Variants in CRLF2 observed in about 807,000 individuals in gnomAD.
CRLF2 encodes cytokine receptor like factor 2.
A neutral mutation model predicts 38.7 loss-of-function variants in CRLF2; 41 were observed. That is an observed-to-expected ratio of 1.06 (90% CI 0.83 to 1.37). The LOEUF (loss-of-function observed/expected upper bound fraction) is 1.37, where lower values mean the gene tolerates loss of function less well. CRLF2 is among the 40% of genes most tolerant of loss of function. The probability of loss-of-function intolerance (pLI) is 0.00; values close to 1 mark genes in which losing one functional copy is unlikely to be tolerated. For missense variants in CRLF2, 377 were observed against 322.2 expected, an observed-to-expected ratio of 1.17 and a Z score of -1.30; for synonymous variants, 140 against 128.8, an observed-to-expected ratio of 1.09 and a Z score of -0.59.
chrX:1,209,260 C>T (rs1327059269), intron 1 of CRLF2, among the ~76,000 whole-genome samples: 2 of 149,878 alleles, frequency 1.3e-5, no homozygotes, highest in Admixed American at 1.3e-4. Context: ...AGCCACCGCG[C>T]CTGACGTATT....
rs1427958210 is a variant in CRLF2, at chrX:1,191,170, A to G, written c.853-10T>C. On this transcript the variant is annotated splice_polypyrimidine_tract_variant and intron_variant, in intron 7 of 7. Transcript: ENST00000400841. The stretch of plus-strand genomic sequence containing the variant: ...TGTCTGTGATCCACTCCTACCAGGA[A>G]GAACATTCTAGCTCAAACACAGTGG... 2.5e-5 allele frequency: 10 copies of G among 398,590 alleles called. No individual in the cohort carries two copies. The highest frequency in any genetic ancestry group is 4.0e-5 in the Non-Finnish European group (9 of 226,178). 24.7% of individuals were successfully genotyped at this position (398,590 alleles called of 1,614,324 possible). A position where few individuals can be genotyped will look rare whatever the true frequency, so the allele number is the denominator to read the frequency against.
intron 7 of CRLF2, among the ~76,000 whole-genome samples, chrX:1,192,620 TTCTC>T (rs1369717742): frequency 0.051 from 7,647 of 151,362 alleles, 295 homozygotes; most frequent in Middle Eastern, 0.15. Context: ...CTTTCCTTCT[TTCTC>T]TCTCTTTCTT....
At chrX:1,207,722 T>A (rs1374608836) in intron 2 of CRLF2, among the ~76,000 whole-genome samples, 1 of 151,276 alleles carries the variant, frequency 6.6e-6, no homozygotes, top group East Asian at 2.0e-4. Context: ...CAATCTCGGC[T>A]CACCGTGAAC....
In CRLF2 at chrX:1,191,310, T is replaced by TTTCC. The variant is rs1430550459; in HGVS notation, c.853-151_853-150insGGAA. 1.7e-5 allele frequency: 6 copies of TTTCC among 358,580 alleles called. 1 individual carries two copies. Among genetic ancestry groups the TTTCC allele is most frequent in the African/African-American group, 1.3e-4 (5 of 37,358 alleles). 22.2% of individuals were successfully genotyped at this position (358,580 alleles called of 1,614,324 possible). Reference sequence around the variant, plus strand: ...CTTTTCTTTTCTCTTTCTTTCTTTCTTTCTTTCTTTCTTTCTTTCTTTCTT... The same window carrying TTTCC: ...CTTTTCTTTTCTCTTTCTTTCTTTCTTTCCTTCTTTCTTTCTTTCTTTCTTTCTT... On this transcript the variant is annotated intron_variant, in intron 7 of 7. Coordinates refer to ENST00000400841, the MANE Select transcript of CRLF2 (RefSeq NM_022148.4).
At chrX:1,206,005 G>T (rs1257413609) in intron 3 of CRLF2, among the ~76,000 whole-genome samples, 1 of 151,658 alleles carries the variant, frequency 6.6e-6, no homozygotes, top group Non-Finnish European at 1.5e-5. Context: ...GCTTTTCAGT[G>T]GTTACGGTAA....
At chrX:1,205,663 T>C (rs1336769606) in intron 3 of CRLF2, among the ~76,000 whole-genome samples, 1 of 151,238 alleles carries the variant, frequency 6.6e-6, no homozygotes, top group Non-Finnish European at 1.5e-5. Flanking sequence ...CTGAAGGAAG[T>C]AGTGAAAAGG....
At chrX:1,200,371 T>A (rs148213491) in intron 4 of CRLF2, among the ~76,000 whole-genome samples, 1 of 145,732 alleles carries the variant, frequency 6.9e-6, no homozygotes, top group African/African-American at 2.5e-5. Flanking sequence ...TATAAATATG[T>A]GTATATAAGG....
chrX:1,194,903 GC>G (rs2086450894), intron 6 of CRLF2, among the ~76,000 whole-genome samples: 1 of 151,382 alleles, frequency 6.6e-6, no homozygotes, highest in Non-Finnish European at 1.5e-5. Context: ...GTGGTGGCGC[GC>G]ACCTGTAGTC....
intron 5 of CRLF2, among the ~76,000 whole-genome samples, chrX:1,197,657 T>C (rs1401335478): frequency 6.6e-6 from 1 of 151,456 alleles, no homozygotes; most frequent in African/African-American, 2.4e-5. Context: ...CTACTAAAAA[T>C]ACAAACATTA....
chrX:1,195,533 A>G lies in CRLF2; in HGVS notation c.767+1247T>C, dbSNP rs1447958159. Among the ~76,000 whole-genome samples, 11 of 151,530 alleles carry G rather than the reference A, an allele frequency of 7.3e-5. No homozygotes were observed. The East Asian group carries it at 2.1e-3, about 30-fold the overall frequency. On this transcript the variant is annotated intron_variant, in intron 6 of 7. Coordinates refer to ENST00000400841, the MANE Select transcript of CRLF2 (RefSeq NM_022148.4). ...AGCCGTCCTTCCACCTCAGCCTCCCAAATAGCTGGGACTACAAGTGCACGC... is the reference window on the plus strand; with the variant it reads ...AGCCGTCCTTCCACCTCAGCCTCCCGAATAGCTGGGACTACAAGTGCACGC...
rs1341718372 is a variant in CRLF2, at chrX:1,208,909, C to G, written c.80-1G>C. On this transcript the variant is annotated splice_acceptor_variant, in intron 1 of 7. Transcript: ENST00000400841. LOFTEE classifies it high-confidence loss of function. ...ATGATCTGAATCTGTACTCCTTCTG[C>G]TAGACACAGAGAGACGCATGAAGTT... The G allele has an allele frequency of 1.9e-6, 3 of 1,553,726 alleles. No individual in the cohort carries two copies. The highest frequency in any genetic ancestry group is 2.7e-6 in the Non-Finnish European group (3 of 1,125,182).
rs1189544659 is a variant in CRLF2 at position 1,196,632 on chromosome X, T to G, written c.767+148A>C. ...CACCATGCCCAGCCCCTCCGAAATT[T>G]CTTATAATCCACCATCAGAAGAGTG... On this transcript the variant is annotated intron_variant, in intron 6 of 7. Coordinates refer to ENST00000400841, the MANE Select transcript of CRLF2 (RefSeq NM_022148.4). 13 of 1,069,234 alleles carry G rather than the reference T, an allele frequency of 1.2e-5. No individual in the cohort carries two copies. The South Asian group carries it at 2.4e-4, about 20-fold the overall frequency. The allele number at this position is 1,069,234 out of a possible 1,614,324, so 66.2% of individuals were successfully genotyped here.
rs748239231 is a variant in CRLF2 at position 1,202,519 on chromosome X, C to T, written c.366G>A (p.Pro122=). 2.4e-5 allele frequency: 39 copies of T among 1,613,574 alleles called. No homozygotes were observed. The highest frequency in any genetic ancestry group is 2.7e-5 in the African/African-American group (2 of 74,898). Residue 122 remains proline, a synonymous_variant, in exon 4 of 8, where the codon CCG becomes CCA. Coordinates refer to ENST00000400841, the MANE Select transcript of CRLF2 (RefSeq NM_022148.4). ...WMVYYLKPSS[P]KHVRFSWHQD... ...GATGCCACGAAAATCTCACGTGCTT[C>T]GGGGAACTGGGTTTCACTGAGAAGA...
intron 6 of CRLF2, among the ~76,000 whole-genome samples, chrX:1,195,512 G>T (rs1346916451): frequency 6.6e-6 from 1 of 151,704 alleles, no homozygotes; most frequent in African/African-American, 2.4e-5. Context: ...GGCTCAAGCC[G>T]TCCTTCCACC....
intron 6 of CRLF2, 41 bp from the exon 7 acceptor site, chrX:1,193,343 C>T: frequency 2.5e-6 from 1 of 398,550 alleles, no homozygotes; most frequent in Middle Eastern, 6.3e-4. Context: ...CGGCCACAGC[C>T]CCGCAGGAAG....
chrX:1,195,921 A>G (rs1196780101), intron 6 of CRLF2, among the ~76,000 whole-genome samples: 7 of 141,556 alleles, frequency 4.9e-5, no homozygotes, highest in African/African-American at 1.8e-4. Context: ...ATATTTTTAT[A>G]TAGATTACAT....
intron 4 of CRLF2, 120 bp downstream of exon 4, chrX:1,202,282 A>C: frequency 8.6e-7 from 1 of 1,158,886 alleles, no homozygotes; most frequent in South Asian, 1.4e-5. Flanking sequence ...GATACAGCAG[A>C]GTGGAATTCA....
intron 1 of CRLF2, 90 bp from the exon 2 acceptor site, chrX:1,208,998 C>CAAA: frequency 2.5e-6 from 2 of 788,802 alleles, no homozygotes; most frequent in Non-Finnish European, 2.1e-6. Context: ...GACAGAGTCT[C>CAAA]ACTCTGTTGC....
intron 4 of CRLF2, among the ~76,000 whole-genome samples, chrX:1,200,048 TGTGTGTATATAAG>T (rs1469969833): frequency 7.3e-6 from 1 of 136,650 alleles, no homozygotes; most frequent in South Asian, 2.7e-4. Flanking sequence ...TGTGTATATA[TGTGTGTATATAAG>T]GTGTGTATAT....
Sources: allele counts gnomAD v4.1 joint callset (sites outside exome capture counted in the v4.1 genomes callset), GRCh38; gene constraint gnomAD v4.1.1; transcripts MANE v1.5; gene names NCBI Gene and HGNC (gene_info 2026-07-23, HGNC 2026-07-21).